Variants in IL1RAPL1 observed in about 807,000 individuals in gnomAD.
IL1RAPL1 encodes interleukin 1 receptor accessory protein like 1, also known as interleukin-1 receptor accessory protein-like 1.
Under a neutral mutation model 48.4 loss-of-function variants are expected in IL1RAPL1, and 3 were observed. The observed-to-expected ratio is 0.06, with a 90% CI of 0.03 to 0.16. The LOEUF is 0.16. Ranked by LOEUF, IL1RAPL1 falls within the 10% of genes least tolerant of loss-of-function variation. The pLI is 1.00. For synonymous variants in IL1RAPL1, 185 were observed against 187.7 expected, an observed-to-expected ratio of 0.99 and a Z score of 0.12; for missense variants, 349 against 530.6, an observed-to-expected ratio of 0.66 and a Z score of 3.36.
At chrX:29,865,890 T>A (rs886338500) in intron 6 of IL1RAPL1, among the ~76,000 whole-genome samples, 1 of 107,281 alleles carries the variant, frequency 9.3e-6, no homozygotes, top group Admixed American at 1.0e-4. Context: ...CCTCAAGTGA[T>A]CCACCCGCCT....
intron 2 of IL1RAPL1, among the ~76,000 whole-genome samples, chrX:29,001,054 C>G (rs961218590): frequency 1.4e-4 from 16 of 110,696 alleles, no homozygotes; most frequent in Non-Finnish European, 3.0e-4. Flanking sequence ...TTTCTTTCCA[C>G]TTTTCTCATG....
intron 2 of IL1RAPL1, among the ~76,000 whole-genome samples, chrX:28,930,129 G>T (rs1923839716): frequency 8.9e-6 from 1 of 111,807 alleles, no homozygotes; most frequent in Admixed American, 9.5e-5. Context: ...GCTCATGTTA[G>T]CTTCTCCCGC....
chrX:28,626,303 C>T (rs573767082), intron 1 of IL1RAPL1, among the ~76,000 whole-genome samples: 4 of 112,369 alleles, frequency 3.6e-5, no homozygotes, highest in Non-Finnish European at 7.5e-5. Context: ...CTATTTTAAA[C>T]ATAAAGAAAA....
intron 1 of IL1RAPL1, among the ~76,000 whole-genome samples, chrX:28,742,800 G>A (rs2061103520): frequency 9.0e-6 from 1 of 111,589 alleles, no homozygotes; most frequent in Non-Finnish European, 1.9e-5. Flanking sequence ...AGACCAGCAT[G>A]ATTTGTTAAG....
chrX:29,482,635 G>A (rs774261435), intron 5 of IL1RAPL1, among the ~76,000 whole-genome samples: 1 of 112,130 alleles, frequency 8.9e-6, no homozygotes, highest in African/African-American at 3.2e-5. Context: ...ATTTTTAAAA[G>A]CTGCATAGAA....
rs187301475 is a variant in IL1RAPL1 at position 29,271,380 on chromosome X, G to A, written c.83-11558G>A. ...TTTATATTCCTTTGGATATATACCCGATAATGGGATTGCTGGATCAAATGA... is the reference window on the plus strand; with the variant it reads ...TTTATATTCCTTTGGATATATACCCAATAATGGGATTGCTGGATCAAATGA... On this transcript the variant is annotated intron_variant, in intron 2 of 10. Transcript: ENST00000378993. Among the ~76,000 whole-genome samples, 103 of 111,920 alleles carry A rather than the reference G, an allele frequency of 9.2e-4. 1 individual carries two copies. The East Asian group carries it at 0.014, about 15-fold the overall frequency.
chrX:29,291,971 T>C (rs1932377949), intron 3 of IL1RAPL1, among the ~76,000 whole-genome samples: 1 of 111,979 alleles, frequency 8.9e-6, no homozygotes, highest in Admixed American at 9.5e-5. Context: ...TAGACCCTCC[T>C]AGCTAAGAAT....
At chrX:29,893,032 G>C (rs978246961) in intron 6 of IL1RAPL1, among the ~76,000 whole-genome samples, 2 of 111,662 alleles carry the variant, frequency 1.8e-5, no homozygotes, top group African/African-American at 6.5e-5. Context: ...GTTTCAGCTT[G>C]TCACCTAGTA....
At chrX:28,943,308 G>C (rs1447337840) in intron 2 of IL1RAPL1, among the ~76,000 whole-genome samples, 3 of 110,031 alleles carry the variant, frequency 2.7e-5, no homozygotes, top group East Asian at 5.7e-4. Flanking sequence ...GATTAAGGTA[G>C]GGACAGTTAA....
At chrX:29,696,972 G>A (rs926612565) in intron 6 of IL1RAPL1, among the ~76,000 whole-genome samples, 1 of 111,631 alleles carries the variant, frequency 9.0e-6, no homozygotes, top group Non-Finnish European at 1.9e-5. Flanking sequence ...CTATAAAGAC[G>A]TGACTACCAG....
At chrX:29,367,697 C>T (rs1255803460) in intron 3 of IL1RAPL1, among the ~76,000 whole-genome samples, 1 of 108,622 alleles carries the variant, frequency 9.2e-6, no homozygotes, top group Non-Finnish European at 1.9e-5. Context: ...TCTCCTGCCT[C>T]AGCCTCCCAA....
In IL1RAPL1 at chrX:29,136,460, GACTC is replaced by G. The variant is rs751470427; in HGVS notation, c.83-146474_83-146471del. On this transcript the variant is annotated intron_variant, in intron 2 of 10. Transcript: ENST00000378993. ...ACTCTTTATTCTAATGTCTAAATAG[GACTC>G]ACTATTTAGGGTACTCACTGTGTGA... Among the ~76,000 whole-genome samples the G allele has an allele frequency of 5.0e-4, 56 of 111,597 alleles. 1 individual carries two copies. Among genetic ancestry groups the G allele is most frequent in the Middle Eastern group, 9.2e-3 (2 of 218 alleles).
chrX:29,612,999 T>C (rs1924139875), intron 5 of IL1RAPL1, among the ~76,000 whole-genome samples: 1 of 112,163 alleles, frequency 8.9e-6, no homozygotes, highest in Admixed American at 9.4e-5. Flanking sequence ...AACTGTTAAA[T>C]TCACCACATA....
intron 2 of IL1RAPL1, among the ~76,000 whole-genome samples, chrX:28,805,129 G>C (rs1936716409): frequency 9.0e-6 from 1 of 110,693 alleles, no homozygotes; most frequent in South Asian, 3.8e-4. Flanking sequence ...AATGAGGCCA[G>C]TAGTCCAGGT....
At chrX:28,693,318 T>G (rs1935198790) in intron 1 of IL1RAPL1, among the ~76,000 whole-genome samples, 1 of 112,179 alleles carries the variant, frequency 8.9e-6, no homozygotes, top group Non-Finnish European at 1.9e-5. Flanking sequence ...TTCCAAATAG[T>G]AAACAACCCT....
At chrX:29,023,871 T>G (rs1386979265) in intron 2 of IL1RAPL1, among the ~76,000 whole-genome samples, 1 of 111,917 alleles carries the variant, frequency 8.9e-6, no homozygotes, top group African/African-American at 3.2e-5. Context: ...GATTTTTAAT[T>G]GAAACCAACA....
intron 5 of IL1RAPL1, among the ~76,000 whole-genome samples, chrX:29,504,043 C>T (rs1245659196): frequency 9.3e-6 from 1 of 107,735 alleles, no homozygotes; most frequent in Non-Finnish European, 1.9e-5. Context: ...TCACTGCAAC[C>T]TCTGCCTCCT....
intron 2 of IL1RAPL1, among the ~76,000 whole-genome samples, chrX:29,194,036 G>A (rs1258571366): frequency 9.0e-6 from 1 of 111,690 alleles, no homozygotes; most frequent in African/African-American, 3.2e-5. Context: ...CAAGAGACCT[G>A]TTTTTCACAG....
chrX:28,749,298 C>T (rs1439978179), intron 1 of IL1RAPL1, among the ~76,000 whole-genome samples: 2 of 111,507 alleles, frequency 1.8e-5, no homozygotes, highest in African/African-American at 6.5e-5. Context: ...ATGACTGGAT[C>T]CTATGGTAGT....
Sources: gnomAD v4.1 joint callset for allele counts (sites outside exome capture counted in the v4.1 genomes callset) on GRCh38, gnomAD v4.1.1 for gene constraint, MANE v1.5 for transcripts, NCBI Gene and HGNC (gene_info 2026-07-23, HGNC 2026-07-21) for gene names.